The following EYS variants were observed in gnomAD, a reference collection of about 807,000 sequenced individuals.
EYS encodes the protein EGF-like photoreceptor maintenance factor.
Under a neutral mutation model 282.1 loss-of-function variants are expected in EYS, and 250 were observed. The observed-to-expected ratio is 0.89, with a 90% CI of 0.80 to 0.98. EYS has a LOEUF of 0.98. EYS is among the 50% of genes least tolerant of loss of function. EYS has a pLI of 0.00. For synonymous variants in EYS, 1,355 were observed against 1,282.9 expected (o/e 1.06, Z -1.20); for missense variants, 4,016 against 3,709.0 (o/e 1.08, Z -2.15).
chr6:65,204,981 G>T (rs1158541336), intron 12 of EYS, among the ~76,000 whole-genome samples: 2 of 98,004 alleles, frequency 2.0e-5, no homozygotes, highest in Non-Finnish European at 4.3e-5. Context: ...TATTCTAGAA[G>T]AATATATTTA....
At position 64,500,642 on chromosome 6, in the gene EYS, T is replaced by G. The variant is rs574058304; in HGVS notation, c.5645-61290A>C. ...TTGTGTTAATTATACTGATTAACCC[T>G]AGTTTATTATGTTTCACCAAGTAAG... is the stretch of plus-strand genomic sequence containing the variant. On this transcript the variant is annotated intron_variant, in intron 26 of 42. Coordinates refer to ENST00000503581, the MANE Select transcript of EYS (RefSeq NM_001142800.2). 1.1e-4 allele frequency among the ~76,000 whole-genome samples: 17 copies of G among 152,292 alleles called. No individual in the cohort carries two copies. The South Asian group carries it at 3.3e-3, about 30-fold the overall frequency.
Position 64,296,759 on chromosome 6 carries a change from A to G in EYS, c.6191+10211T>C, listed in dbSNP as rs374335092. Among the ~76,000 whole-genome samples the G allele has an allele frequency of 2.0e-4, 31 of 151,652 alleles. No individual in the cohort carries two copies. The East Asian group carries it at 5.8e-3, about 29-fold the overall frequency. ...GTAGCTGGGACTACAGGTGTGTGCA[A>G]CCAAGCCAGGCTAACTTTTGTATTT... On this transcript the variant is annotated intron_variant, in intron 30 of 42. Coordinates refer to ENST00000503581, the MANE Select transcript of EYS (RefSeq NM_001142800.2).
intron 31 of EYS, among the ~76,000 whole-genome samples, chr6:64,170,129 A>G (rs1764435500): frequency 2.0e-5 from 3 of 152,176 alleles, no homozygotes; most frequent in Admixed American, 6.5e-5. Flanking sequence ...TCTTACCTGC[A>G]TTAAACTTCA....
intron 12 of EYS, among the ~76,000 whole-genome samples, chr6:65,112,954 G>A (rs1775255139): frequency 6.6e-6 from 1 of 152,006 alleles, no homozygotes; most frequent in South Asian, 2.1e-4. Context: ...TTACTGAAGT[G>A]TTCAGCATGT....
In EYS at chr6:64,678,965, C is replaced by T. The variant is rs377187117; in HGVS notation, c.3444-52720G>A. On this transcript the variant is annotated intron_variant, in intron 22 of 42. Transcript: ENST00000503581. The stretch of plus-strand genomic sequence containing the variant: ...TTGTGCCACTGCACTCCAGCCTTGG[C>T]GATAGAGACTCCCTCTCAAAAAAAA... Among the ~76,000 whole-genome samples, 10 of 144,012 alleles carry T rather than the reference C, an allele frequency of 6.9e-5. No homozygotes were observed. In the East Asian group the frequency reaches 1.2e-3, roughly 18 times the overall value. The allele number at this position is 144,012 out of a possible 152,430, so 94.5% of individuals were successfully genotyped here.
chr6:65,409,699 G>T (rs1766900633), intron 5 of EYS, among the ~76,000 whole-genome samples: 1 of 151,998 alleles, frequency 6.6e-6, no homozygotes, highest in Non-Finnish European at 1.5e-5. Flanking sequence ...CATATTTATT[G>T]AAAAATTTCT....
intron 22 of EYS, among the ~76,000 whole-genome samples, chr6:64,760,667 TC>T (rs34869646): frequency 1.3e-5 from 2 of 152,194 alleles, no homozygotes; most frequent in African/African-American, 2.4e-5. Context: ...TGCAGGACAG[TC>T]CTGAATATTC....
intron 33 of EYS, among the ~76,000 whole-genome samples, chr6:64,029,337 G>C (rs1197580373): frequency 6.6e-6 from 1 of 152,234 alleles, no homozygotes; most frequent in African/African-American, 2.4e-5. Context: ...TTTAAGGGTA[G>C]TTGCAGCAGT....
At chr6:64,097,552 C>A (rs1438167240) in intron 31 of EYS, among the ~76,000 whole-genome samples, 1 of 152,164 alleles carries the variant, frequency 6.6e-6, no homozygotes, top group Non-Finnish European at 1.5e-5. Flanking sequence ...CCCTGCAAGC[C>A]AAGCATGGGA....
At chr6:64,268,498 C>T (rs1368544366) in intron 30 of EYS, among the ~76,000 whole-genome samples, 1 of 151,966 alleles carries the variant, frequency 6.6e-6, no homozygotes, top group Non-Finnish European at 1.5e-5. Flanking sequence ...ATCCTGATTG[C>T]TATGTAGACA....
At chr6:64,063,468 G>T (rs978809643) in intron 33 of EYS, among the ~76,000 whole-genome samples, 1 of 151,908 alleles carries the variant, frequency 6.6e-6, no homozygotes, top group Non-Finnish European at 1.5e-5. Flanking sequence ...GAGTCATTTT[G>T]CTCCTAATTA....
At chr6:65,105,988 G>T (rs7751293) in intron 12 of EYS, among the ~76,000 whole-genome samples, 4,993 of 151,892 alleles carry the variant, frequency 0.033, 285 homozygotes, top group African/African-American at 0.11. Context: ...GTGAAGTTAG[G>T]AATACCAACA....
chr6:63,963,095 A>C (rs953352196), intron 35 of EYS, among the ~76,000 whole-genome samples: 8 of 133,986 alleles, frequency 6.0e-5, no homozygotes, highest in African/African-American at 2.2e-4. Context: ...AACATCACAC[A>C]CAGGGGCCTG....
chr6:65,499,615 T>G (rs1463845796), intron 2 of EYS, among the ~76,000 whole-genome samples: 2 of 152,006 alleles, frequency 1.3e-5, no homozygotes, highest in Admixed American at 6.6e-5. Flanking sequence ...GATACAAAAG[T>G]TCTCATAATT....
At chr6:64,782,167 G>A (rs540406983) in intron 22 of EYS, among the ~76,000 whole-genome samples, 2 of 152,300 alleles carry the variant, frequency 1.3e-5, no homozygotes, top group South Asian at 4.1e-4. Flanking sequence ...CAAGAATGTT[G>A]TAGAAACAAA....
At chr6:63,814,221 T>C (rs975342861) in intron 36 of EYS, among the ~76,000 whole-genome samples, 13 of 152,186 alleles carry the variant, frequency 8.5e-5, no homozygotes, top group Admixed American at 3.9e-4. Context: ...CCTACAAATG[T>C]GATTATTTTT....
intron 29 of EYS, among the ~76,000 whole-genome samples, chr6:64,342,729 T>G (rs577105750): frequency 6.6e-6 from 1 of 152,104 alleles, no homozygotes; most frequent in African/African-American, 2.4e-5. Flanking sequence ...TAACCTTAAA[T>G]GTAAATGGGA....
At chr6:63,910,231 T>C (rs1022289872) in intron 35 of EYS, among the ~76,000 whole-genome samples, 7 of 152,172 alleles carry the variant, frequency 4.6e-5, no homozygotes, top group Non-Finnish European at 1.0e-4. Flanking sequence ...TCAAATAGAA[T>C]AGGCCACTTA....
chr6:64,257,057 T>G (rs1767426727), intron 30 of EYS, among the ~76,000 whole-genome samples: 1 of 152,022 alleles, frequency 6.6e-6, no homozygotes, highest in Non-Finnish European at 1.5e-5. Flanking sequence ...ATTTCTTCCT[T>G]CAAAGCTAAC....
Sources: allele counts gnomAD v4.1 joint callset (sites outside exome capture counted in the v4.1 genomes callset), GRCh38; gene constraint gnomAD v4.1.1; transcripts MANE v1.5; gene names NCBI Gene and HGNC (gene_info 2026-07-23, HGNC 2026-07-21).